The following MAP4K3 variants were observed in gnomAD, a reference collection of about 807,000 sequenced individuals.
The protein encoded by MAP4K3 is MAPK/ERK kinase kinase kinase 3.
A neutral mutation model predicts 143.5 loss-of-function variants in MAP4K3; 94 were observed. That is an observed-to-expected ratio of 0.65 (90% confidence interval 0.55 to 0.78). MAP4K3 has a LOEUF of 0.78. MAP4K3 is among the 30% of genes least tolerant of loss of function. The pLI is 0.00. For missense variants in MAP4K3, 1,077 were observed against 1,068.1 expected, an observed-to-expected ratio of 1.01 and a Z score of -0.12; for synonymous variants, 416 against 347.2, an observed-to-expected ratio of 1.20 and a Z score of -2.20.
Position 39,286,848 on chromosome 2 carries a change from C to G in MAP4K3, c.1587+4G>C. 1 of 1,582,898 alleles carries G rather than the reference C, an allele frequency of 6.3e-7. No homozygotes were observed. The highest frequency in any genetic ancestry group is 8.6e-7 in the Non-Finnish European group (1 of 1,162,782). On this transcript the variant is annotated splice_donor_region_variant and intron_variant, in intron 21 of 33. Transcript: ENST00000263881. ...AAGTAGAACTTATGACTATCAATAC[C>G]TACTGGTACATCTTTCTTTTCTTTT...
At position 39,261,367 on chromosome 2, in the gene MAP4K3, T is replaced by C. The variant is rs187338286; in HGVS notation, c.2137-590A>G. 2.0e-3 allele frequency among the ~76,000 whole-genome samples: 298 copies of C among 152,254 alleles called. 1 individual carries two copies. Among genetic ancestry groups the C allele is most frequent in the Non-Finnish European group, 4.0e-4 (27 of 68,026 alleles). On this transcript the variant is annotated intron_variant, in intron 28 of 33. Coordinates refer to ENST00000263881, the MANE Select transcript of MAP4K3 (RefSeq NM_003618.4). ...ATTGCTACAAAGAATAAATTCACAT[T>C]CTGAAGGACAAAAAAAATAGATGGA...
At chr2:39,278,698 T>C (rs1377072201) in intron 23 of MAP4K3, among the ~76,000 whole-genome samples, 1 of 152,222 alleles carries the variant, frequency 6.6e-6, no homozygotes, top group Non-Finnish European at 1.5e-5. Context: ...AGAATTTTTA[T>C]GTAAGGGAGG....
At chr2:39,297,580 A>G (rs1481692529) in intron 16 of MAP4K3, among the ~76,000 whole-genome samples, 1 of 152,184 alleles carries the variant, frequency 6.6e-6, no homozygotes, top group Non-Finnish European at 1.5e-5. Flanking sequence ...TAACAATTAT[A>G]ATTAGATAGT....
chr2:39,363,932 C>T (rs1177583903), intron 2 of MAP4K3, among the ~76,000 whole-genome samples: 1 of 146,488 alleles, frequency 6.8e-6, no homozygotes, highest in Non-Finnish European at 1.5e-5. Context: ...ACATTACTGT[C>T]TTCAGGGAAA....
chr2:39,267,679 C>CAGAA (rs1491310154), intron 26 of MAP4K3, among the ~76,000 whole-genome samples: 6 of 130,570 alleles, frequency 4.6e-5, no homozygotes, highest in African/African-American at 1.7e-4. Context: ...ACTCGGTCTC[C>CAGAA]AAAAAAAAAA....
chr2:39,364,721 A>G (rs1468526921), intron 2 of MAP4K3, among the ~76,000 whole-genome samples: 1 of 152,238 alleles, frequency 6.6e-6, no homozygotes, highest in Non-Finnish European at 1.5e-5. Context: ...TACAAAAATT[A>G]GCCAGGCGTG....
At chr2:39,288,909 G>T (rs1235897819) in intron 19 of MAP4K3, among the ~76,000 whole-genome samples, 1 of 152,148 alleles carries the variant, frequency 6.6e-6, no homozygotes, top group Admixed American at 6.5e-5. Flanking sequence ...AAAATTAGCT[G>T]GGCGTGGTGG....
chr2:39,414,170 AAC>A (rs1417238838), intron 1 of MAP4K3, among the ~76,000 whole-genome samples: 3 of 152,176 alleles, frequency 2.0e-5, no homozygotes, highest in Non-Finnish European at 4.4e-5. Context: ...AGAAAACAGA[AAC>A]ACTCACCAAC....
intron 1 of MAP4K3, among the ~76,000 whole-genome samples, chr2:39,406,987 A>G (rs1406793389): frequency 6.6e-6 from 1 of 152,220 alleles, no homozygotes; most frequent in Non-Finnish European, 1.5e-5. Context: ...AAATTCTTAA[A>G]ATTTTAGCAA....
At chr2:39,393,711 C>G (rs1179916430) in intron 1 of MAP4K3, among the ~76,000 whole-genome samples, 1 of 152,086 alleles carries the variant, frequency 6.6e-6, no homozygotes, top group Non-Finnish European at 1.5e-5. Flanking sequence ...GCTGGATCTG[C>G]ACTTGACCTT....
At chr2:39,324,988 T>G (rs1683438606) in intron 12 of MAP4K3, among the ~76,000 whole-genome samples, 1 of 152,202 alleles carries the variant, frequency 6.6e-6, no homozygotes, top group African/African-American at 2.4e-5. Flanking sequence ...ATAAGAATTT[T>G]TTTTTAAAGA....
At chr2:39,349,862 T>C (rs1209425469) in intron 3 of MAP4K3, among the ~76,000 whole-genome samples, 2 of 152,332 alleles carry the variant, frequency 1.3e-5, no homozygotes, top group South Asian at 2.1e-4. Flanking sequence ...TTTTACAAAA[T>C]ACATATTTGT....
intron 3 of MAP4K3, among the ~76,000 whole-genome samples, chr2:39,350,819 T>C (rs1435818841): frequency 1.3e-5 from 2 of 152,150 alleles, no homozygotes; most frequent in Non-Finnish European, 2.9e-5. Flanking sequence ...GGATAAAAGA[T>C]TCATTTTTGC....
intron 2 of MAP4K3, among the ~76,000 whole-genome samples, chr2:39,366,052 G>C (rs2148564835): frequency 6.6e-6 from 1 of 152,278 alleles, no homozygotes; most frequent in Non-Finnish European, 1.5e-5. Flanking sequence ...CGTGAAAGGA[G>C]TCAAACTCTG....
chr2:39,251,290 T>A (rs186400271), intron 33 of MAP4K3, among the ~76,000 whole-genome samples: 44 of 152,312 alleles, frequency 2.9e-4, no homozygotes, highest in Admixed American at 2.7e-3. Context: ...TGATCAAAGG[T>A]TGGTTTTAGG....
At position 39,250,640 on chromosome 2, in the gene MAP4K3, G is replaced by T. The variant is rs1680117273; in HGVS notation, c.2663C>A (p.Ala888Glu). The T allele has an allele frequency of 2.5e-6, 4 of 1,613,384 alleles. No homozygotes were observed. The highest frequency in any genetic ancestry group is 2.5e-6 in the Non-Finnish European group (3 of 1,179,606). Residue 888 changes from alanine (A) to glutamate (E), a missense_variant, in exon 34 of 34, where the codon GCG becomes GAG. Ala to Glu is a moderately radical substitution (Grantham distance 107). This residue lies in a region of MAP4K3 where 864 missense variants were observed against 801.2 expected (regional missense o/e 1.08). Transcript: ENST00000263881. ...PTANSNLYIL[A>E]GHENSY ...TTCTCAGTAACTGTTTTCATGACCC[G>T]CCAGGATGTACAAATTGCTATTTGC...
intron 1 of MAP4K3, among the ~76,000 whole-genome samples, chr2:39,383,065 G>C (rs1406074190): frequency 6.6e-6 from 1 of 152,164 alleles, no homozygotes; most frequent in Non-Finnish European, 1.5e-5. Context: ...CTCCCTTTCA[G>C]AAGAAAATGG....
At chr2:39,427,374 T>A (rs1665121946) in intron 1 of MAP4K3, among the ~76,000 whole-genome samples, 1 of 151,970 alleles carries the variant, frequency 6.6e-6, no homozygotes, top group Non-Finnish European at 1.5e-5. Flanking sequence ...TAAAGAAATC[T>A]GAACCCAGAA....
chr2:39,416,855 T>G (rs983324058), intron 1 of MAP4K3, among the ~76,000 whole-genome samples: 5 of 152,232 alleles, frequency 3.3e-5, no homozygotes, highest in African/African-American at 1.2e-4. Flanking sequence ...CAAACTGGGT[T>G]CAACTGCTGG....
Sources: allele counts gnomAD v4.1 joint callset (sites outside exome capture counted in the v4.1 genomes callset), GRCh38; gene constraint gnomAD v4.1.1; regional missense constraint gnomAD v4.1.1; transcripts MANE v1.5; gene names NCBI Gene and HGNC (gene_info 2026-07-23, HGNC 2026-07-21).